The following MECOM variants were observed in gnomAD, a reference collection of about 807,000 sequenced individuals.
MECOM encodes the protein histone-lysine N-methyltransferase MECOM.
In MECOM, 13 loss-of-function variants were observed where a neutral mutation model predicts 116.3. That is an observed-to-expected ratio of 0.11 (90% CI 0.07 to 0.18). The LOEUF (loss-of-function observed/expected upper bound fraction) is 0.18. Ranked by LOEUF, MECOM falls within the 10% of genes least tolerant of loss-of-function variation. The pLI, the probability that MECOM is intolerant of heterozygous loss-of-function variation, is 1.00. For missense variants in MECOM, 1,299 were observed against 1,509.0 expected (o/e 0.86, Z 2.31); for synonymous variants, 528 against 535.2 (o/e 0.99, Z 0.19).
At chr3:169,108,917 G>A (rs1032065444) in intron 9 of MECOM, among the ~76,000 whole-genome samples, 7 of 152,238 alleles carry the variant, frequency 4.6e-5, no homozygotes, top group African/African-American at 7.2e-5. Context: ...AAGTAAAAGA[G>A]AGTCTGTTGC....
chr3:169,540,267 T>C (rs948169821), intron 1 of MECOM, among the ~76,000 whole-genome samples: 1 of 152,136 alleles, frequency 6.6e-6, no homozygotes, highest in African/African-American at 2.4e-5. Context: ...ACCCCTGAGA[T>C]TTTTTTCTCC....
chr3:169,179,180 G>A (rs889541626), intron 2 of MECOM, among the ~76,000 whole-genome samples: 8 of 152,064 alleles, frequency 5.3e-5, no homozygotes, highest in Non-Finnish European at 1.2e-4. Context: ...ATAGCTATGT[G>A]TCACCCATGC....
At chr3:169,173,389 C>T (rs942047061) in intron 2 of MECOM, among the ~76,000 whole-genome samples, 12 of 152,102 alleles carry the variant, frequency 7.9e-5, no homozygotes, top group Non-Finnish European at 8.8e-5. Context: ...TTTAATCCTC[C>T]CTCTCTCCCC....
chr3:169,335,516 CAA>C (rs1723455168), intron 2 of MECOM, among the ~76,000 whole-genome samples: 1 of 151,984 alleles, frequency 6.6e-6, no homozygotes, highest in South Asian at 2.1e-4. Context: ...ACGAAATGGG[CAA>C]AGTTTGTTCC....
At chr3:169,472,499 AAAGGAAAGGAAAGG>A (rs1749470335) in intron 1 of MECOM, among the ~76,000 whole-genome samples, 9 of 88,202 alleles carry the variant, frequency 1.0e-4, no homozygotes, top group African/African-American at 4.6e-4. Flanking sequence ...AAAGGAAAGG[AAAGGAAAGGAAAGG>A]AAAGGAAAGA....
chr3:169,558,016 A>G lies in MECOM; in HGVS notation c.37+105320T>C, dbSNP rs144131453. 2.4e-3 allele frequency among the ~76,000 whole-genome samples: 371 copies of G among 152,328 alleles called. 3 individuals carry two copies. The highest frequency in any genetic ancestry group is 7.6e-3 in the African/African-American group (316 of 41,582). Reference sequence around the variant, plus strand: ...TGGTCATACAAATACATATTTTTCAATAACAGGATTTTTTAAAAGATTTTT... The same window carrying G: ...TGGTCATACAAATACATATTTTTCAGTAACAGGATTTTTTAAAAGATTTTT... On this transcript the variant is annotated intron_variant, in intron 1 of 16. Coordinates refer to ENST00000651503, the MANE Select transcript of MECOM (RefSeq NM_004991.4).
At chr3:169,240,630 T>A (rs368853954) in intron 2 of MECOM, among the ~76,000 whole-genome samples, 2 of 152,140 alleles carry the variant, frequency 1.3e-5, no homozygotes, top group Admixed American at 6.5e-5. Flanking sequence ...TTAGGAAGTA[T>A]ACAGTTTCCT....
Position 169,378,463 on chromosome 3 carries a change from AAGCAAGCAAGCAAGAAAG to A in MECOM, c.375+2706_375+2723del. On this transcript the variant is annotated intron_variant, in intron 2 of 16. Transcript: ENST00000651503. The stretch of plus-strand genomic sequence containing the variant: ...AAAGAAAGAAAGAAGGAAAGCAAGC[AAGCAAGCAAGCAAGAAAG>A]AGAGAGAGAAAGAAAGAAAGAAAGA... Among the ~76,000 whole-genome samples, 2 of 56,102 alleles carry A rather than the reference AAGCAAGCAAGCAAGAAAG, an allele frequency of 3.6e-5. 1 individual carries two copies. Among genetic ancestry groups the A allele is most frequent in the South Asian group, 9.5e-4 (2 of 2,102 alleles). The allele number at this position is 56,102 out of a possible 152,430, so 36.8% of individuals were successfully genotyped here.
At chr3:169,264,564 C>G (rs904176056) in intron 2 of MECOM, among the ~76,000 whole-genome samples, 7 of 152,054 alleles carry the variant, frequency 4.6e-5, no homozygotes, top group African/African-American at 1.7e-4. Flanking sequence ...GGAAGGGAGC[C>G]TTAGAATTCT....
intron 1 of MECOM, among the ~76,000 whole-genome samples, chr3:169,584,461 A>C (rs1765532426): frequency 6.6e-6 from 1 of 151,150 alleles, no homozygotes; most frequent in Non-Finnish European, 1.5e-5. Context: ...GCTACTCAGG[A>C]GGCTGAGGCA....
At chr3:169,100,579 A>G (rs983704215) in intron 12 of MECOM, among the ~76,000 whole-genome samples, 8 of 152,136 alleles carry the variant, frequency 5.3e-5, no homozygotes, top group African/African-American at 9.7e-5. Flanking sequence ...AAAGAGAACA[A>G]ATGATAATAA....
At chr3:169,551,203 T>A (rs1363008772) in intron 1 of MECOM, among the ~76,000 whole-genome samples, 6 of 152,190 alleles carry the variant, frequency 3.9e-5, no homozygotes, top group Admixed American at 3.9e-4. Context: ...AGTCTCTTGA[T>A]CCTGTATATC....
intron 2 of MECOM, among the ~76,000 whole-genome samples, chr3:169,274,454 C>A (rs1301608718): frequency 6.6e-6 from 1 of 152,108 alleles, no homozygotes; most frequent in African/African-American, 2.4e-5. Context: ...TACCTACTAG[C>A]TGAATGTAGC....
At chr3:169,638,381 C>A (rs780476213) in intron 1 of MECOM, among the ~76,000 whole-genome samples, 2 of 152,144 alleles carry the variant, frequency 1.3e-5, no homozygotes, top group East Asian at 3.9e-4. Context: ...CCAGGTTTAT[C>A]CCCAGCAGTC....
chr3:169,423,969 G>T (rs757424385), intron 1 of MECOM, among the ~76,000 whole-genome samples: 1 of 152,104 alleles, frequency 6.6e-6, no homozygotes, highest in African/African-American at 2.4e-5. Flanking sequence ...TGACATAGTG[G>T]ATGATATTTA....
intron 1 of MECOM, among the ~76,000 whole-genome samples, chr3:169,445,667 C>T (rs1744503188): frequency 6.6e-6 from 1 of 152,160 alleles, no homozygotes; most frequent in Non-Finnish European, 1.5e-5. Context: ...CACCATCCTC[C>T]AGACCCCAGA....
chr3:169,509,981 T>A (rs1755765690), intron 1 of MECOM, among the ~76,000 whole-genome samples: 1 of 152,264 alleles, frequency 6.6e-6, no homozygotes, highest in African/African-American at 2.4e-5. Flanking sequence ...ACAAATGTCC[T>A]CTGATAACAG....
At chr3:169,538,634 C>A (rs1224633974) in intron 1 of MECOM, among the ~76,000 whole-genome samples, 1 of 152,176 alleles carries the variant, frequency 6.6e-6, no homozygotes, top group Non-Finnish European at 1.5e-5. Flanking sequence ...TTTAGCAAAT[C>A]ATGATCCCTC....
At chr3:169,194,529 T>A (rs1286450646) in intron 2 of MECOM, among the ~76,000 whole-genome samples, 1 of 151,996 alleles carries the variant, frequency 6.6e-6, no homozygotes, top group Non-Finnish European at 1.5e-5. Context: ...TCTTAATAAA[T>A]AACAGCAACA....
Sources: gnomAD v4.1 joint callset for allele counts (sites outside exome capture counted in the v4.1 genomes callset) on GRCh38, gnomAD v4.1.1 for gene constraint, MANE v1.5 for transcripts, NCBI Gene and HGNC (gene_info 2026-07-23, HGNC 2026-07-21) for gene names.